The following CDH13 variants were observed in gnomAD, a reference collection of about 807,000 sequenced individuals.
CDH13 encodes cadherin-13.
A neutral mutation model predicts 63.8 loss-of-function variants in CDH13; 24 were observed. The ratio of observed to expected loss-of-function variants is 0.38; its 90% confidence interval spans 0.27 to 0.53. The LOEUF (loss-of-function observed/expected upper bound fraction) is 0.53. CDH13 is among the 20% of genes least tolerant of loss of function. The pLI is 0.85. For synonymous variants in CDH13, 503 were observed against 355.3 expected (o/e 1.42, Z -4.67); for missense variants, 1,049 against 903.1 (o/e 1.16, Z -2.07).
chr16:83,795,917 C>G lies in CDH13; in HGVS notation c.*887C>G, dbSNP rs947880663. On this transcript the variant is annotated 3_prime_UTR_variant, in exon 14 of 14. Transcript: ENST00000567109. ...CTCCTCAGTAAATGTACAACTGCAC[C>G]TGTCATCATGGAGGTCATACATGCA... is the stretch of plus-strand genomic sequence containing the variant. 6.6e-6 allele frequency: 1 copy of G among 152,638 alleles called. No homozygotes were observed. The highest frequency in any genetic ancestry group is 1.5e-5 in the Non-Finnish European group (1 of 68,050). 9.5% of individuals were successfully genotyped at this position (152,638 alleles called of 1,614,324 possible).
intron 6 of CDH13, among the ~76,000 whole-genome samples, chr16:83,463,220 C>G (rs2875756): frequency 1 from 152,224 of 152,338 alleles, 76,055 homozygotes; most frequent in Non-Finnish European, 1. Context: ...GCCCAGGCGT[C>G]AGATAGCACA....
chr16:83,222,624 T>C (rs544900001), intron 5 of CDH13, among the ~76,000 whole-genome samples: 3 of 152,230 alleles, frequency 2.0e-5, no homozygotes, highest in Non-Finnish European at 2.9e-5. Context: ...CCCTCACTAG[T>C]AGGGACATGC....
At chr16:82,783,760 G>T (rs141140016) in intron 1 of CDH13, among the ~76,000 whole-genome samples, 16 of 152,282 alleles carry the variant, frequency 1.1e-4, no homozygotes, top group African/African-American at 1.7e-4. Flanking sequence ...AGGATTTGAT[G>T]TAGAATTACT....
chr16:83,304,580 C>T (rs897985015), intron 5 of CDH13, among the ~76,000 whole-genome samples: 1 of 152,100 alleles, frequency 6.6e-6, no homozygotes, highest in African/African-American at 2.4e-5. Context: ...GTCCTCGATA[C>T]ATATGGGATC....
chr16:83,511,059 C>G (rs1483289155), intron 7 of CDH13, among the ~76,000 whole-genome samples: 1 of 95,078 alleles, frequency 1.1e-5, no homozygotes, highest in Admixed American at 1.1e-4. Flanking sequence ...TGTGCACACA[C>G]AGACACGCAC....
intron 6 of CDH13, among the ~76,000 whole-genome samples, chr16:83,365,459 A>G (rs909103643): frequency 3.9e-5 from 6 of 152,180 alleles, no homozygotes; most frequent in African/African-American, 1.4e-4. Flanking sequence ...GTACCTGGTT[A>G]CCCCATGGTC....
chr16:82,761,937 T>G (rs2151085047), intron 1 of CDH13, among the ~76,000 whole-genome samples: 1 of 152,338 alleles, frequency 6.6e-6, no homozygotes, highest in South Asian at 2.1e-4. Flanking sequence ...CTGTTTACAC[T>G]GAGTTTTCAC....
Position 83,716,692 on chromosome 16 carries a change from C to T in CDH13, c.1539-31416C>T, listed in dbSNP as rs1908956086. ...AGAGATGGGGTTTCACTATGTTGGCCGGGCTGGTCTCAAATCCCTGACCTC... is the reference window on the plus strand; with the variant it reads ...AGAGATGGGGTTTCACTATGTTGGCTGGGCTGGTCTCAAATCCCTGACCTC... On this transcript the variant is annotated intron_variant, in intron 10 of 13. Coordinates refer to ENST00000567109, the MANE Select transcript of CDH13 (RefSeq NM_001257.5). Among the ~76,000 whole-genome samples, 4 of 152,100 alleles carry T rather than the reference C, an allele frequency of 2.6e-5. No individual in the cohort carries two copies. The South Asian group carries it at 6.2e-4, about 24-fold the overall frequency.
chr16:83,511,103 T>C (rs2047321318), intron 7 of CDH13, among the ~76,000 whole-genome samples: 1 of 107,574 alleles, frequency 9.3e-6, no homozygotes, highest in South Asian at 3.3e-4. Flanking sequence ...CATGCACACA[T>C]GCACGCATGC....
chr16:83,093,792 C>T (rs1289166141), intron 3 of CDH13, among the ~76,000 whole-genome samples: 3 of 152,070 alleles, frequency 2.0e-5, no homozygotes, highest in Non-Finnish European at 2.9e-5. Context: ...AGTTCTCAGT[C>T]GGAAAGCATG....
At chr16:83,270,065 T>TAAAAA (rs2088755229) in intron 5 of CDH13, among the ~76,000 whole-genome samples, 1 of 152,254 alleles carries the variant, frequency 6.6e-6, no homozygotes, top group African/African-American at 2.4e-5. Context: ...CTGGTTTCTC[T>TAAAAA]TTGGAAATTA....
intron 6 of CDH13, among the ~76,000 whole-genome samples, chr16:83,456,406 A>C (rs992188497): frequency 3.9e-5 from 6 of 152,168 alleles, no homozygotes; most frequent in Non-Finnish European, 7.3e-5. Context: ...GAAAAATCCA[A>C]ACTGGTGAGA....
At chr16:83,362,508 A>G (rs1283930301) in intron 6 of CDH13, among the ~76,000 whole-genome samples, 1 of 152,194 alleles carries the variant, frequency 6.6e-6, no homozygotes, top group African/African-American at 2.4e-5. Context: ...GGCTCACCTC[A>G]TAGGTGGGAG....
At chr16:83,739,010 C>G (rs973077643) in intron 10 of CDH13, among the ~76,000 whole-genome samples, 3 of 152,064 alleles carry the variant, frequency 2.0e-5, no homozygotes, top group African/African-American at 7.2e-5. Flanking sequence ...ATGGACTATG[C>G]AAAAAAGAGC....
chr16:82,718,430 A>T (rs1381509), intron 1 of CDH13, among the ~76,000 whole-genome samples: 23,237 of 152,088 alleles, frequency 0.15, 2,178 homozygotes, highest in Non-Finnish European at 0.21. Context: ...CTGCCACCTG[A>T]AGTAGAAGTA....
intron 7 of CDH13, among the ~76,000 whole-genome samples, chr16:83,505,140 A>T (rs1395196240): frequency 6.6e-6 from 1 of 152,182 alleles, no homozygotes; most frequent in African/African-American, 2.4e-5. Context: ...CTAGATTTGG[A>T]CTTGAATTTG....
intron 5 of CDH13, among the ~76,000 whole-genome samples, chr16:83,263,839 A>G (rs551479705): frequency 6.6e-6 from 1 of 152,280 alleles, no homozygotes; most frequent in Admixed American, 6.5e-5. Flanking sequence ...GTTGACGGCT[A>G]GAGACACTGT....
chr16:83,338,420 C>G (rs933193097), intron 5 of CDH13, among the ~76,000 whole-genome samples: 1 of 152,196 alleles, frequency 6.6e-6, no homozygotes, highest in South Asian at 2.1e-4. Flanking sequence ...AAAGAGGGCT[C>G]TCTGCAGTCA....
intron 7 of CDH13, among the ~76,000 whole-genome samples, chr16:83,517,640 G>A (rs958257554): frequency 6.6e-6 from 1 of 152,220 alleles, no homozygotes; most frequent in African/African-American, 2.4e-5. Context: ...TCACCAGGAA[G>A]TTCCTTTGTT....
Sources: allele counts gnomAD v4.1 joint callset (sites outside exome capture counted in the v4.1 genomes callset), GRCh38; gene constraint gnomAD v4.1.1; transcripts MANE v1.5; gene names NCBI Gene and HGNC (gene_info 2026-07-23, HGNC 2026-07-21).